Variants in CELSR1 observed in about 807,000 individuals in gnomAD.
CELSR1 encodes the protein cadherin EGF LAG seven-pass G-type receptor 1.
Under a neutral mutation model 249.1 loss-of-function variants are expected in CELSR1, and 110 were observed. That is an observed-to-expected ratio of 0.44 (90% CI 0.38 to 0.52). The LOEUF (loss-of-function observed/expected upper bound fraction) is 0.52, where lower values mean the gene tolerates loss of function less well. Ranked by LOEUF, CELSR1 falls within the 20% of genes least tolerant of loss-of-function variation. The pLI, the probability that CELSR1 is intolerant of heterozygous loss-of-function variation, is 0.00. For missense variants in CELSR1, 4,109 were observed against 4,296.4 expected, an observed-to-expected ratio of 0.96 and a Z score of 1.22; for synonymous variants, 2,113 against 1,900.0, an observed-to-expected ratio of 1.11 and a Z score of -2.92.
chr22:46,445,794 C>T lies in CELSR1; in HGVS notation c.4184-6383G>A, dbSNP rs908612021. ...CCCGTCGATGCTTCGGAGGTGGAAGCGTCCAGGACTCCCCGGGTGCTGTTC... is the reference window on the plus strand; with the variant it reads ...CCCGTCGATGCTTCGGAGGTGGAAGTGTCCAGGACTCCCCGGGTGCTGTTC... On this transcript the variant is annotated intron_variant, in intron 2 of 34. Coordinates refer to ENST00000674500, the MANE Select transcript of CELSR1 (RefSeq NM_001378328.1). The surrounding 1 kb of genome is among the most constrained non-coding windows in gnomAD (Gnocchi z 4.4). 6.6e-6 allele frequency among the ~76,000 whole-genome samples: 1 copy of T among 152,186 alleles called. No homozygotes were observed. Among genetic ancestry groups the T allele is most frequent in the Non-Finnish European group, 1.5e-5 (1 of 68,036 alleles).
intron 26 of CELSR1, 47 bp from the exon 27 acceptor site, chr22:46,369,305 G>C (rs2078824771): frequency 5.7e-5 from 17 of 300,818 alleles, no homozygotes; most frequent in Non-Finnish European, 9.0e-5. Context: ...CGTCACTGCA[G>C]ACCTCCAACT....
At position 46,411,846 on chromosome 22, in the gene CELSR1, G is replaced by T; in HGVS notation, c.4612-87C>A. 2 of 1,554,194 alleles carry T rather than the reference G, an allele frequency of 1.3e-6. No homozygotes were observed. Among genetic ancestry groups the T allele is most frequent in the South Asian group, 1.1e-5 (1 of 87,828 alleles). ...CACCTGTCACTCATAGAGCGAGGAG[G>T]ACATGGCACAGGGTGGGCGGCACGT... On this transcript the variant is annotated intron_variant, in intron 5 of 34. Coordinates refer to ENST00000674500, the MANE Select transcript of CELSR1 (RefSeq NM_001378328.1). The surrounding 1 kb of genome is among the most constrained non-coding windows in gnomAD (Gnocchi z 4.2).
intron 5 of CELSR1, among the ~76,000 whole-genome samples, chr22:46,421,171 C>T (rs2079467156): frequency 6.6e-6 from 1 of 152,264 alleles, no homozygotes; most frequent in Non-Finnish European, 1.5e-5. Flanking sequence ...TCAGCCAGTA[C>T]ACTTCAGCCA....
chr22:46,461,712 ATCTGC>A (rs1327181765), intron 2 of CELSR1, among the ~76,000 whole-genome samples: 1 of 152,220 alleles, frequency 6.6e-6, no homozygotes, highest in Non-Finnish European at 1.5e-5. Context: ...AGTAGGTACT[ATCTGC>A]GGAGTAAAGA....
rs142315197 is a variant in CELSR1, at chr22:46,409,608, G to A, written c.5059+147C>T. The A allele has an allele frequency of 1.2e-4, 112 of 925,366 alleles. No homozygotes were observed. The highest frequency in any genetic ancestry group is 2.0e-4 in the Admixed American group (9 of 45,252). 57.3% of individuals were successfully genotyped at this position (925,366 alleles called of 1,614,324 possible). On this transcript the variant is annotated intron_variant, in intron 8 of 34. Coordinates refer to ENST00000674500, the MANE Select transcript of CELSR1 (RefSeq NM_001378328.1). This position sits in a 1 kb window ranked among gnomAD's most constrained non-coding sequence, Gnocchi z 9.8. The stretch of plus-strand genomic sequence containing the variant: ...CGGAGGACAGTCTCTTGGAGAGGGC[G>A]GTGTGAGTCCACAGTAAATGCAGCA...
rs2080742268 is a variant in CELSR1 at position 46,526,715 on chromosome 22, G to T, written c.3544+6912C>A. 6.6e-6 allele frequency among the ~76,000 whole-genome samples: 1 copy of T among 152,134 alleles called. No individual in the cohort carries two copies. Among genetic ancestry groups the T allele is most frequent in the African/African-American group, 2.4e-5 (1 of 41,408 alleles). On this transcript the variant is annotated intron_variant, in intron 1 of 34. Transcript: ENST00000674500. The surrounding 1 kb of genome is among the most constrained non-coding windows in gnomAD (Gnocchi z 4.7). ...TCCTGCTCCAGCTCCCAAGCAGACT[G>T]TTCCCCACCCAGGAGGCTATTCGGG...
At chr22:46,422,709 G>T (rs1207116771) in intron 5 of CELSR1, among the ~76,000 whole-genome samples, 1 of 150,472 alleles carries the variant, frequency 6.6e-6, no homozygotes, top group African/African-American at 2.5e-5. Context: ...GGAGCTTGCA[G>T]TGAGCTGAGA....
intron 25 of CELSR1, among the ~76,000 whole-genome samples, chr22:46,370,578 G>A (rs934812487): frequency 6.6e-6 from 1 of 152,190 alleles, no homozygotes; most frequent in African/African-American, 2.4e-5. Context: ...GGTGACACTT[G>A]GGACAGGAGC....
intron 22 of CELSR1, among the ~76,000 whole-genome samples, chr22:46,378,961 G>A (rs558453941): frequency 1.3e-4 from 20 of 152,320 alleles, no homozygotes; most frequent in African/African-American, 4.6e-4. Flanking sequence ...CTGCCGCGGA[G>A]GCAGGACCAT....
rs2079817908 is a variant in CELSR1 at position 46,446,183 on chromosome 22, C to G, written c.4184-6772G>C. ...TGCCGGCCCCACTGTCTCCCTCCTCCCAGGGCAGCTACAGATGGCCCTGTG... is the reference window on the plus strand; with the variant it reads ...TGCCGGCCCCACTGTCTCCCTCCTCGCAGGGCAGCTACAGATGGCCCTGTG... On this transcript the variant is annotated intron_variant, in intron 2 of 34. Coordinates refer to ENST00000674500, the MANE Select transcript of CELSR1 (RefSeq NM_001378328.1). This position sits in a 1 kb window ranked among gnomAD's most constrained non-coding sequence, Gnocchi z 5.5. Among the ~76,000 whole-genome samples, 1 of 152,200 alleles carries G rather than the reference C, an allele frequency of 6.6e-6. No individual in the cohort carries two copies. The highest frequency in any genetic ancestry group is 2.1e-4 in the South Asian group (1 of 4,828).
At position 46,391,724 on chromosome 22, in the gene CELSR1, G is replaced by A. The variant is rs760697974; in HGVS notation, c.6057C>T (p.Thr2019=). 24 of 1,611,902 alleles carry A rather than the reference G, an allele frequency of 1.5e-5. No homozygotes were observed. The Admixed American group carries it at 1.7e-4, about 11-fold the overall frequency. The change falls in exon 15 of 35, where the codon ACC becomes ACT. Residue 2019 remains threonine (T), a synonymous_variant. Transcript: ENST00000674500. The surrounding 1 kb of genome is among the most constrained non-coding windows in gnomAD (Gnocchi z 4.3). ...GSHSRTCDMA[T]GQCACKPGVI... is the part of the protein sequence containing the mutation. ...CGCCGGGCTTGCAGGCACACTGCCC[G>A]GTGGCCATGTCGCAAGTGCGGCTGT...
At chr22:46,404,315 G>A (rs1228171611) in intron 9 of CELSR1, among the ~76,000 whole-genome samples, 1 of 152,040 alleles carries the variant, frequency 6.6e-6, no homozygotes, top group African/African-American at 2.4e-5. Flanking sequence ...GGGAGGCTGA[G>A]GTAGGAGAAT....
chr22:46,492,754 C>A (rs529874076), intron 1 of CELSR1, among the ~76,000 whole-genome samples: 1 of 151,260 alleles, frequency 6.6e-6, no homozygotes, highest in Non-Finnish European at 1.5e-5. Context: ...CCACCGTGCT[C>A]GGCCGAAACC....
Position 46,381,787 on chromosome 22 carries a change from G to A in CELSR1, c.7088+59C>T, listed in dbSNP as rs1330880080. The A allele has an allele frequency of 6.9e-6, 10 of 1,445,292 alleles. No homozygotes were observed. The East Asian group carries it at 2.5e-4, about 36-fold the overall frequency. 89.5% of individuals were successfully genotyped at this position (1,445,292 alleles called of 1,614,324 possible). ...GATCAGGATCAGGATTTTGACCTGTGGAAGCCTCAGGAGCCTCCAGAACGG... is the reference window on the plus strand; with the variant it reads ...GATCAGGATCAGGATTTTGACCTGTAGAAGCCTCAGGAGCCTCCAGAACGG... On this transcript the variant is annotated intron_variant, in intron 21 of 34. Coordinates refer to ENST00000674500, the MANE Select transcript of CELSR1 (RefSeq NM_001378328.1). This position sits in a 1 kb window ranked among gnomAD's most constrained non-coding sequence, Gnocchi z 6.0.
At chr22:46,364,931 G>A (rs1036742235) in intron 32 of CELSR1, among the ~76,000 whole-genome samples, 195 bp from the exon 33 acceptor site, 6 of 152,218 alleles carry the variant, frequency 3.9e-5, no homozygotes, top group South Asian at 2.1e-4. Flanking sequence ...AGCCCCCGCC[G>A]CATCTGTACC....
rs1339282752 is a variant in CELSR1 at position 46,417,652 on chromosome 22, G to C, written c.4612-5893C>G. ...CCTCTGCCCAACTCTGGCTGAGGGGGACAGGTGCTCCTGAATCCCTCACCT... is the reference window on the plus strand; with the variant it reads ...CCTCTGCCCAACTCTGGCTGAGGGGCACAGGTGCTCCTGAATCCCTCACCT... On this transcript the variant is annotated intron_variant, in intron 5 of 34. Coordinates refer to ENST00000674500, the MANE Select transcript of CELSR1 (RefSeq NM_001378328.1). The surrounding 1 kb of genome is among the most constrained non-coding windows in gnomAD (Gnocchi z 4.1). 6.6e-6 allele frequency among the ~76,000 whole-genome samples: 1 copy of C among 152,208 alleles called. No homozygotes were observed.
At chr22:46,525,449 C>CAAAAA (rs10585540) in intron 1 of CELSR1, among the ~76,000 whole-genome samples, 24 of 146,428 alleles carry the variant, frequency 1.6e-4, no homozygotes, top group African/African-American at 6.0e-4. Context: ...AACTCTGTCT[C>CAAAAA]AAAAAAAAAA....
chr22:46,518,750 T>A lies in CELSR1; in HGVS notation c.3544+14877A>T, dbSNP rs2080654491. 6.6e-6 allele frequency among the ~76,000 whole-genome samples: 1 copy of A among 152,080 alleles called. No homozygotes were observed. The highest frequency in any genetic ancestry group is 2.4e-5 in the African/African-American group (1 of 41,420). The stretch of plus-strand genomic sequence containing the variant: ...GTCTTCTCTCTTATAAAGACTCCAG[T>A]TGTGGCTGGGCGCGGTGGCTCGCCT... On this transcript the variant is annotated intron_variant, in intron 1 of 34. Coordinates refer to ENST00000674500, the MANE Select transcript of CELSR1 (RefSeq NM_001378328.1). The surrounding 1 kb of genome is among the most constrained non-coding windows in gnomAD (Gnocchi z 5.2).
rs1483113943 is a variant in CELSR1 at position 46,436,356 on chromosome 22, A to AGG, written c.4407-68_4407-67insCC. ...AGGGTCCAAAGGCTGCCTAGGAATG[A>AGG]CAAGTCCAGCCGGAGGAGGGCAAGC... On this transcript the variant is annotated intron_variant, in intron 3 of 34. Transcript: ENST00000674500. This position sits in a 1 kb window ranked among gnomAD's most constrained non-coding sequence, Gnocchi z 5.9. The AGG allele has an allele frequency of 8.0e-7, 1 of 1,248,568 alleles. No homozygotes were observed. Among genetic ancestry groups the AGG allele is most frequent in the Non-Finnish European group, 1.2e-6 (1 of 859,226 alleles). The allele number at this position is 1,248,568 out of a possible 1,614,324, so 77.3% of individuals were successfully genotyped here. A position where few individuals can be genotyped will look rare whatever the true frequency, so the allele number is the denominator to read the frequency against.
Sources: allele counts gnomAD v4.1 joint callset (sites outside exome capture counted in the v4.1 genomes callset), GRCh38; gene constraint gnomAD v4.1.1; non-coding constraint Gnocchi (gnomAD v3.1); transcripts MANE v1.5; gene names NCBI Gene and HGNC (gene_info 2026-07-23, HGNC 2026-07-21).